The following MMP24 variants were observed in gnomAD, a reference collection of about 807,000 sequenced individuals.
MMP24 encodes matrix metallopeptidase 24.
Under a neutral mutation model 62.8 loss-of-function variants are expected in MMP24, and 25 were observed. The ratio of observed to expected loss-of-function variants is 0.40; its 90% confidence interval spans 0.29 to 0.56. The LOEUF (loss-of-function observed/expected upper bound fraction) is 0.56. Ranked by LOEUF, MMP24 falls within the 20% of genes least tolerant of loss-of-function variation. The pLI, the probability that MMP24 is intolerant of heterozygous loss-of-function variation, is 0.50. For missense variants in MMP24, 634 were observed against 853.6 expected, an observed-to-expected ratio of 0.74 and a Z score of 3.21; for synonymous variants, 319 against 350.5, an observed-to-expected ratio of 0.91 and a Z score of 1.00.
Position 35,254,673 on chromosome 20 carries a change from T to C in MMP24, c.736T>C (p.Tyr246His). The change falls in exon 4 of 9, where the codon TAC becomes CAC. Residue 246 changes from tyrosine (Y) to histidine (H), a missense_variant. Tyr to His is a moderately conservative substitution (Grantham distance 83). Transcript: ENST00000246186. ...AGAAGGGGGATTCCTGGCCCATGCC[T>C]ACTTCCCTGGCCCAGGGATTGGAGG... is the stretch of plus-strand genomic sequence containing the variant. ...DGEGGFLAHA[Y>H]FPGPGIGGDT... 6.2e-7 allele frequency: 1 copy of C among 1,614,176 alleles called. No homozygotes were observed. The highest frequency in any genetic ancestry group is 8.5e-7 in the Non-Finnish European group (1 of 1,180,038).
chr20:35,233,792 T>C (rs2060448918), intron 1 of MMP24, among the ~76,000 whole-genome samples: 1 of 152,180 alleles, frequency 6.6e-6, no homozygotes, highest in Non-Finnish European at 1.5e-5. Flanking sequence ...GAGACCAGCC[T>C]GTGCAACATG....
At chr20:35,231,747 C>T (rs2060438700) in intron 1 of MMP24, among the ~76,000 whole-genome samples, 1 of 152,168 alleles carries the variant, frequency 6.6e-6, no homozygotes, top group Admixed American at 6.5e-5. Context: ...AGGACCCACA[C>T]ATAGCTCATA....
In MMP24 at chr20:35,276,420, G is replaced by A. The variant is rs2060706527; in HGVS notation, c.*1811G>A. 1 of 397,902 alleles carries A rather than the reference G, an allele frequency of 2.5e-6. No homozygotes were observed. The highest frequency in any genetic ancestry group is 1.4e-4 in the South Asian group (1 of 7,072). The allele number at this position is 397,902 out of a possible 1,614,324, so 24.6% of individuals were successfully genotyped here. The stretch of plus-strand genomic sequence containing the variant: ...TCACATGAAACTCGTGTTAGGCCCT[G>A]GGAGGCCGACGGTAACTCTCACCGT... On this transcript the variant is annotated 3_prime_UTR_variant, in exon 9 of 9. Coordinates refer to ENST00000246186, the MANE Select transcript of MMP24 (RefSeq NM_006690.4).
At chr20:35,243,051 T>C (rs1314451651) in intron 1 of MMP24, among the ~76,000 whole-genome samples, 2 of 152,172 alleles carry the variant, frequency 1.3e-5, no homozygotes, top group East Asian at 3.9e-4. Flanking sequence ...TAGTGGCATG[T>C]GCCTGTAATC....
chr20:35,255,279 C>T (rs961143547), intron 4 of MMP24, among the ~76,000 whole-genome samples: 1 of 151,658 alleles, frequency 6.6e-6, no homozygotes, highest in African/African-American at 2.4e-5. Context: ...TGCAGTGAGC[C>T]GAGATCGCAC....
At chr20:35,264,743 GAAAA>G (rs2060623651) in intron 5 of MMP24, among the ~76,000 whole-genome samples, 1 of 106,802 alleles carries the variant, frequency 9.4e-6, no homozygotes, top group Non-Finnish European at 2.0e-5. Flanking sequence ...AAAAAAGAAA[GAAAA>G]GGTGAAAGAT....
In MMP24 at chr20:35,274,765, C is replaced by A. The variant is rs766444930; in HGVS notation, c.*156C>A. On this transcript the variant is annotated 3_prime_UTR_variant, in exon 9 of 9. Transcript: ENST00000246186. The surrounding 1 kb of genome is among the most constrained non-coding windows in gnomAD (Gnocchi z 5.1). The stretch of plus-strand genomic sequence containing the variant: ...GGTGGGTGCATTGGCCTAGGCTGAG[C>A]GTGGGGCAGGGAATTATGGGGGCTG... 1 of 683,316 alleles carries A rather than the reference C, an allele frequency of 1.5e-6. No homozygotes were observed. The highest frequency in any genetic ancestry group is 2.4e-6 in the Non-Finnish European group (1 of 413,978). The allele number at this position is 683,316 out of a possible 1,614,324, so 42.3% of individuals were successfully genotyped here. A position where few individuals can be genotyped will look rare whatever the true frequency, so the allele number is the denominator to read the frequency against.
intron 1 of MMP24, 47 bp from the exon 2 acceptor site, chr20:35,246,793 G>A: frequency 1.2e-6 from 2 of 1,606,362 alleles, no homozygotes; most frequent in Non-Finnish European, 1.7e-6. Flanking sequence ...AGGTAGAACA[G>A]AGCCTTTCCC....
chr20:35,272,021 C>A, intron 8 of MMP24, 186 bp downstream of exon 8: 1 of 656,646 alleles, frequency 1.5e-6, no homozygotes. Flanking sequence ...CCAAGTCACA[C>A]TTTTTCATCT....
Position 35,226,914 on chromosome 20 carries a change from C to T in MMP24, c.176C>T (p.Ala59Val). 1.0e-6 allele frequency: 1 copy of T among 980,786 alleles called. No homozygotes were observed. Among genetic ancestry groups the T allele is most frequent in the Non-Finnish European group, 1.2e-6 (1 of 828,688 alleles). 60.8% of individuals were successfully genotyped at this position (980,786 alleles called of 1,614,324 possible). Residue 59 changes from alanine to valine, a missense_variant, in exon 1 of 9, where the codon GCA becomes GTA. By Grantham distance (64) the Ala-to-Val change is moderately conservative. Coordinates refer to ENST00000246186, the MANE Select transcript of MMP24 (RefSeq NM_006690.4). ...CGGGCGGCGGCGGCGGCGGCGGGGGCAGGGAACCGGGCAGCGGTGGCGGTG... is the reference window on the plus strand; with the variant it reads ...CGGGCGGCGGCGGCGGCGGCGGGGGTAGGGAACCGGGCAGCGGTGGCGGTG... ...AARAAAAAAG[A>V]GNRAAVAVAV...
intron 4 of MMP24, among the ~76,000 whole-genome samples, chr20:35,262,490 G>A (rs1315898799): frequency 6.6e-6 from 1 of 151,428 alleles, no homozygotes; most frequent in South Asian, 2.1e-4. Context: ...ATTGCTGCCC[G>A]CAGGTCCCAC....
At chr20:35,243,619 G>T (rs1402597949) in intron 1 of MMP24, among the ~76,000 whole-genome samples, 1 of 152,116 alleles carries the variant, frequency 6.6e-6, no homozygotes, top group East Asian at 1.9e-4. Flanking sequence ...TTGGGAGGAG[G>T]AGAAGGAGGA....
At chr20:35,232,340 CTAGCACAGTGCATGATACATTCTGGACA>C (rs2060441399) in intron 1 of MMP24, among the ~76,000 whole-genome samples, 1 of 152,198 alleles carries the variant, frequency 6.6e-6, no homozygotes. Flanking sequence ...TCCTCAGTAC[CTAGCACAGTGCATGATACATTCTGGACA>C]TGTGATAAAT....
chr20:35,256,619 T>G (rs2060575848), intron 4 of MMP24, among the ~76,000 whole-genome samples: 1 of 146,574 alleles, frequency 6.8e-6, no homozygotes, highest in African/African-American at 2.5e-5. Flanking sequence ...CTCTGGAGGC[T>G]GAGGCAGGAG....
chr20:35,252,525 G>T (rs1428071014), intron 3 of MMP24, among the ~76,000 whole-genome samples: 2 of 152,172 alleles, frequency 1.3e-5, no homozygotes, highest in Non-Finnish European at 2.9e-5. Flanking sequence ...CTCTGATCTG[G>T]ATCCTCCCAC....
rs2146247199 is a variant in MMP24 at position 35,274,282 on chromosome 20, T to C, written c.1611T>C (p.Tyr537=). ...AFISKEGYYT[Y]FYKGRDYWKF... ...GCTGTATTTCTGCAGATTACACCTA[T>C]TTCTACAAGGGCCGGGACTACTGGA... The change falls in exon 9 of 9, where the codon TAT becomes TAC. Residue 537 remains tyrosine (Y), a synonymous_variant. Coordinates refer to ENST00000246186, the MANE Select transcript of MMP24 (RefSeq NM_006690.4). The surrounding 1 kb of genome is among the most constrained non-coding windows in gnomAD (Gnocchi z 5.1). The C allele has an allele frequency of 6.2e-7, 1 of 1,609,458 alleles. No homozygotes were observed. Among genetic ancestry groups the C allele is most frequent in the Non-Finnish European group, 8.5e-7 (1 of 1,178,694 alleles).
At chr20:35,270,555 G>A (rs1268721243) in intron 7 of MMP24, among the ~76,000 whole-genome samples, 1 of 152,236 alleles carries the variant, frequency 6.6e-6, no homozygotes, top group African/African-American at 2.4e-5. Context: ...ATTAGGCCAA[G>A]GCTGGAAATT....
At chr20:35,263,627 G>C in intron 4 of MMP24, 164 bp from the exon 5 acceptor site, 2 of 530,750 alleles carry the variant, frequency 3.8e-6, no homozygotes, top group Non-Finnish European at 6.5e-6. Flanking sequence ...TCTGCAGAGA[G>C]GCTTGGGAGG....
chr20:35,261,709 C>T (rs1449237428), intron 4 of MMP24, among the ~76,000 whole-genome samples: 1 of 152,124 alleles, frequency 6.6e-6, no homozygotes, highest in Non-Finnish European at 1.5e-5. Flanking sequence ...CCCCACCTGC[C>T]CTGCCCGGGG....
Sources: gnomAD v4.1 joint callset for allele counts (sites outside exome capture counted in the v4.1 genomes callset) on GRCh38, gnomAD v4.1.1 for gene constraint, Gnocchi (gnomAD v3.1) non-coding constraint, MANE v1.5 for transcripts, NCBI Gene and HGNC (gene_info 2026-07-23, HGNC 2026-07-21) for gene names.